The following CACNA1C variants were observed in gnomAD, a reference collection of about 807,000 sequenced individuals.
CACNA1C encodes the protein voltage-dependent L-type calcium channel subunit alpha-1C.
Under a neutral mutation model 229.0 loss-of-function variants are expected in CACNA1C, and 30 were observed. The ratio of observed to expected loss-of-function variants is 0.13; its 90% confidence interval spans 0.10 to 0.18. The LOEUF (loss-of-function observed/expected upper bound fraction) is 0.18, where lower values mean the gene tolerates loss of function less well. Among genes scored for constraint, CACNA1C ranks in the 10% least tolerant of loss-of-function variants. The pLI is 1.00. For synonymous variants in CACNA1C, 1,114 were observed against 1,132.5 expected (o/e 0.98, Z 0.33); for missense variants, 1,658 against 2,845.0 (o/e 0.58, Z 9.49).
rs985533485 is a variant in CACNA1C at position 2,647,421 on chromosome 12, G to T, written c.3913-1054G>T. On this transcript the variant is annotated intron_variant, in intron 30 of 46. Coordinates refer to ENST00000399655, the MANE Select transcript of CACNA1C (RefSeq NM_000719.7). The surrounding 1 kb of genome is among the most constrained non-coding windows in gnomAD (Gnocchi z 4.2). ...CTCCTACCCCCAAATGAGTTCAGCAGTCAGACCCGTGAGAACAGCTTCCTG... is the reference window on the plus strand; with the variant it reads ...CTCCTACCCCCAAATGAGTTCAGCATTCAGACCCGTGAGAACAGCTTCCTG... Among the ~76,000 whole-genome samples the T allele has an allele frequency of 4.6e-5, 7 of 152,254 alleles. No homozygotes were observed. Among genetic ancestry groups the T allele is most frequent in the African/African-American group, 1.4e-4 (6 of 41,468 alleles).
At chr12:2,313,835 G>A (rs2095553374) in intron 3 of CACNA1C, among the ~76,000 whole-genome samples, 1 of 152,162 alleles carries the variant, frequency 6.6e-6, no homozygotes, top group Admixed American at 6.5e-5. Flanking sequence ...TTTATCTATT[G>A]ACACTTTTTC....
At chr12:2,470,128 A>C (rs1284628108) in intron 5 of CACNA1C, among the ~76,000 whole-genome samples, 1 of 152,222 alleles carries the variant, frequency 6.6e-6, no homozygotes, top group Non-Finnish European at 1.5e-5. Flanking sequence ...CTCCCAATAT[A>C]GTAAGCAATC....
In CACNA1C at chr12:2,165,155, CTT is replaced by C. The variant is rs2096145306; in HGVS notation, c.477+44726_477+44727del. On this transcript the variant is annotated intron_variant, in intron 3 of 46. Transcript: ENST00000399655. Reference sequence around the variant, plus strand: ...AAAACATGGGTTGACTCTCTAGAGTCTTAGGTTTCTGGTGAGTGATTCAAACA... The same window carrying C: ...AAAACATGGGTTGACTCTCTAGAGTCAGGTTTCTGGTGAGTGATTCAAACA... 3.3e-5 allele frequency among the ~76,000 whole-genome samples: 5 copies of C among 152,154 alleles called. No homozygotes were observed. In the South Asian group the frequency reaches 8.3e-4, roughly 25 times the overall value.
intron 3 of CACNA1C, among the ~76,000 whole-genome samples, chr12:2,438,702 A>G (rs1229226793): frequency 6.6e-6 from 1 of 152,040 alleles, no homozygotes; most frequent in Non-Finnish European, 1.5e-5. Context: ...ATTTAAGGGC[A>G]GAAGGGAGCC....
At chr12:2,136,886 A>G (rs2093570909) in intron 3 of CACNA1C, among the ~76,000 whole-genome samples, 1 of 151,370 alleles carries the variant, frequency 6.6e-6, no homozygotes, top group South Asian at 2.1e-4. Context: ...GGAACCCAGA[A>G]TCAGCCTGAC....
chr12:2,078,194 G>A (rs758188579), intron 1 of CACNA1C, among the ~76,000 whole-genome samples: 40 of 152,298 alleles, frequency 2.6e-4, no homozygotes, highest in African/African-American at 7.0e-4. Context: ...TCCCTGCCAC[G>A]TGAGGACACA....
chr12:2,691,196 G>A lies in CACNA1C; in HGVS notation c.6414G>A (p.Leu2138=). ...LQDSRVYVSS[L] ...ACAGCAGGGTCTACGTCAGCAGCCTGTAGTGGGCGCTGCCAGATGCGGGCT... is the reference window on the plus strand; with the variant it reads ...ACAGCAGGGTCTACGTCAGCAGCCTATAGTGGGCGCTGCCAGATGCGGGCT... The change falls in exon 47 of 47, where the codon CTG becomes CTA. Residue 2138 remains leucine (L), a synonymous_variant. Coordinates refer to ENST00000399655, the MANE Select transcript of CACNA1C (RefSeq NM_000719.7). The A allele has an allele frequency of 6.5e-7, 1 of 1,544,946 alleles. No individual in the cohort carries two copies. The highest frequency in any genetic ancestry group is 8.7e-7 in the Non-Finnish European group (1 of 1,147,924).
Position 2,693,658 on chromosome 12 carries a change from G to T in CACNA1C, c.*2459G>T. The T allele has an allele frequency of 6.6e-6, 1 of 152,308 alleles. No homozygotes were observed. The highest frequency in any genetic ancestry group is 1.5e-5 in the Non-Finnish European group (1 of 68,104). 9.4% of individuals were successfully genotyped at this position (152,308 alleles called of 1,614,324 possible). A position where few individuals can be genotyped will look rare whatever the true frequency, so the allele number is the denominator to read the frequency against. On this transcript the variant is annotated 3_prime_UTR_variant, in exon 47 of 47. Transcript: ENST00000399655. ...GGCATCCGGAGCTCACAGTGGGGGTGGGAACAGATTTTTGTGGGGGCATCT... is the reference window on the plus strand; with the variant it reads ...GGCATCCGGAGCTCACAGTGGGGGTTGGAACAGATTTTTGTGGGGGCATCT...
chr12:2,261,969 C>T (rs1292076884), intron 3 of CACNA1C, among the ~76,000 whole-genome samples: 1 of 152,238 alleles, frequency 6.6e-6, no homozygotes, highest in Non-Finnish European at 1.5e-5. Flanking sequence ...CTGCAGTTAT[C>T]CTCATGGGGG....
chr12:2,276,703 A>T (rs374420023), intron 3 of CACNA1C, among the ~76,000 whole-genome samples: 6 of 152,232 alleles, frequency 3.9e-5, no homozygotes, highest in African/African-American at 1.4e-4. Flanking sequence ...GACTAGGTTG[A>T]TAAAAGAATA....
chr12:2,299,400 G>A (rs769015098), intron 3 of CACNA1C, among the ~76,000 whole-genome samples: 5 of 152,162 alleles, frequency 3.3e-5, no homozygotes, highest in Non-Finnish European at 7.3e-5. Flanking sequence ...GAGGGCTGGC[G>A]TGCTGCCCAG....
chr12:2,182,999 C>A (rs960676044), intron 3 of CACNA1C, among the ~76,000 whole-genome samples: 1 of 152,046 alleles, frequency 6.6e-6, no homozygotes, highest in African/African-American at 2.4e-5. Flanking sequence ...GATATCACTT[C>A]CCCCAGATGA....
At chr12:2,612,381 CCTCTCCA>C in intron 29 of CACNA1C, 1 of 175,716 alleles carries the variant, frequency 5.7e-6, no homozygotes, top group Admixed American at 5.8e-5. Flanking sequence ...GCAGACCAAA[CCTCTCCA>C]GGCCCAGCCC....
intron 3 of CACNA1C, among the ~76,000 whole-genome samples, chr12:2,168,855 T>C (rs2096358160): frequency 6.6e-6 from 1 of 152,160 alleles, no homozygotes. Flanking sequence ...GTGATGGGCA[T>C]GTTGGTTTCA....
At chr12:2,116,028 G>A (rs1488133921) in intron 2 of CACNA1C, among the ~76,000 whole-genome samples, 1 of 152,202 alleles carries the variant, frequency 6.6e-6, no homozygotes, top group Non-Finnish European at 1.5e-5. Context: ...ATGGAAGAGC[G>A]TAGTGGTCAG....
At chr12:2,279,879 A>G (rs1215116731) in intron 3 of CACNA1C, among the ~76,000 whole-genome samples, 1 of 152,236 alleles carries the variant, frequency 6.6e-6, no homozygotes, top group Non-Finnish European at 1.5e-5. Flanking sequence ...ATACCATTTT[A>G]TATAAGGGAC....
At chr12:2,516,189 A>G (rs1032606651) in intron 9 of CACNA1C, among the ~76,000 whole-genome samples, 8 of 152,188 alleles carry the variant, frequency 5.3e-5, no homozygotes, top group Admixed American at 1.3e-4. Flanking sequence ...TAGTTGGGAA[A>G]GGAGCCTTCT....
In CACNA1C at chr12:2,396,536, A is replaced by G. The variant is rs769595905; in HGVS notation, c.478-52440A>G. Reference sequence around the variant, plus strand: ...GTGCTGAGCTTTGATTCAGCTAAGCAGTGGCTTGTTGCCCAGGCCTGTGGT... The same window carrying G: ...GTGCTGAGCTTTGATTCAGCTAAGCGGTGGCTTGTTGCCCAGGCCTGTGGT... On this transcript the variant is annotated intron_variant, in intron 3 of 46. Coordinates refer to ENST00000399655, the MANE Select transcript of CACNA1C (RefSeq NM_000719.7). Among the ~76,000 whole-genome samples, 6 of 152,180 alleles carry G rather than the reference A, an allele frequency of 3.9e-5. 1 individual carries two copies. The highest frequency in any genetic ancestry group is 3.3e-4 in the Admixed American group (5 of 15,284).
rs551925940 is a variant in CACNA1C, at chr12:2,200,825, A to T, written c.477+80395A>T. On this transcript the variant is annotated intron_variant, in intron 3 of 46. Coordinates refer to ENST00000399655, the MANE Select transcript of CACNA1C (RefSeq NM_000719.7). ...CTGGAGGCAACCCTGGAGATCTGGCAGACCCTACCAGGAGGAGTCAGACAG... is the reference window on the plus strand; with the variant it reads ...CTGGAGGCAACCCTGGAGATCTGGCTGACCCTACCAGGAGGAGTCAGACAG... Among the ~76,000 whole-genome samples, 110 of 152,306 alleles carry T rather than the reference A, an allele frequency of 7.2e-4. 1 individual carries two copies. The highest frequency in any genetic ancestry group is 2.5e-3 in the African/African-American group (102 of 41,572).
Sources: allele counts gnomAD v4.1 joint callset (sites outside exome capture counted in the v4.1 genomes callset), GRCh38; gene constraint gnomAD v4.1.1; non-coding constraint Gnocchi (gnomAD v3.1); transcripts MANE v1.5; gene names NCBI Gene and HGNC (gene_info 2026-07-23, HGNC 2026-07-21).